The following CREB5 variants were observed in gnomAD, a reference collection of about 807,000 sequenced individuals.
The protein encoded by CREB5 is cAMP responsive element binding protein 5.
Under a neutral mutation model 57.1 loss-of-function variants are expected in CREB5, and 19 were observed. The observed-to-expected ratio is 0.33, with a 90% CI of 0.23 to 0.49. The LOEUF is 0.49. Ranked by LOEUF, CREB5 falls within the 20% of genes least tolerant of loss-of-function variation. The pLI is 0.99. For missense variants in CREB5, 579 were observed against 671.6 expected (o/e 0.86, Z 1.52); for synonymous variants, 238 against 238.3 (o/e 1.00, Z 0.01).
Position 28,675,943 on chromosome 7 carries a change from A to G in CREB5, c.465-42810A>G, listed in dbSNP as rs1238476151. Reference sequence around the variant, plus strand: ...AGCTTATTTATTTCTGAAAGTCTCTAGAATTTTAAAGAGGATTACTGCCCC... The same window carrying G: ...AGCTTATTTATTTCTGAAAGTCTCTGGAATTTTAAAGAGGATTACTGCCCC... On this transcript the variant is annotated intron_variant, in intron 5 of 10. Transcript: ENST00000357727. Among the ~76,000 whole-genome samples, 3 of 152,230 alleles carry G rather than the reference A, an allele frequency of 2.0e-5. No individual in the cohort carries two copies. In the East Asian group the frequency reaches 5.8e-4, roughly 29 times the overall value.
At chr7:28,658,953 GTA>G (rs72106956) in intron 5 of CREB5, among the ~76,000 whole-genome samples, 39,463 of 99,574 alleles carry the variant, frequency 0.4, 9,011 homozygotes, top group Non-Finnish European at 0.46. Flanking sequence ...GTGTGTGTGT[GTA>G]TATATATATA....
At chr7:28,579,886 T>G (rs1177511977) in intron 5 of CREB5, among the ~76,000 whole-genome samples, 1 of 152,104 alleles carries the variant, frequency 6.6e-6, no homozygotes, top group African/African-American at 2.4e-5. Context: ...AGGCTAAGCA[T>G]TTGACCGACT....
intron 7 of CREB5, among the ~76,000 whole-genome samples, chr7:28,735,470 C>T (rs531615263): frequency 7.2e-5 from 11 of 152,224 alleles, no homozygotes; most frequent in African/African-American, 2.2e-4. Context: ...TCACTATGTA[C>T]GTATATAGAT....
chr7:28,574,368 G>A (rs980367027), intron 5 of CREB5, among the ~76,000 whole-genome samples: 12 of 152,330 alleles, frequency 7.9e-5, no homozygotes, highest in South Asian at 2.1e-4. Context: ...CTGGGAAAAT[G>A]GCAGAAGGGT....
chr7:28,326,381 T>C (rs1785607014), intron 1 of CREB5, among the ~76,000 whole-genome samples: 1 of 152,206 alleles, frequency 6.6e-6, no homozygotes, highest in African/African-American at 2.4e-5. Context: ...AGTCCCTCCA[T>C]ATGTAGCCAA....
chr7:28,514,465 G>T lies in CREB5; in HGVS notation c.291+6728G>T, dbSNP rs181585391. Among the ~76,000 whole-genome samples the T allele has an allele frequency of 1.1e-3, 163 of 152,068 alleles. 1 individual carries two copies. The highest frequency in any genetic ancestry group is 3.4e-3 in the Middle Eastern group (1 of 292). On this transcript the variant is annotated intron_variant, in intron 4 of 10. Coordinates refer to ENST00000357727, the MANE Select transcript of CREB5 (RefSeq NM_182898.4). ...GGCTGGAGTGCAGTGGCGCCATCTC[G>T]GCTCACTGCAAGCTCCGCCTCCCGG...
chr7:28,727,385 A>G (rs1048182088), intron 7 of CREB5, among the ~76,000 whole-genome samples: 17 of 152,128 alleles, frequency 1.1e-4, no homozygotes, highest in African/African-American at 4.1e-4. Flanking sequence ...CTTAGATGAA[A>G]GTGGGATCTG....
At chr7:28,319,935 T>TA (rs1408510298) in intron 1 of CREB5, among the ~76,000 whole-genome samples, 3 of 152,150 alleles carry the variant, frequency 2.0e-5, no homozygotes, top group East Asian at 1.9e-4. Context: ...TCTTAATTTT[T>TA]AAAAAAATTT....
chr7:28,452,426 A>C (rs1266836259), intron 1 of CREB5, among the ~76,000 whole-genome samples: 3 of 152,238 alleles, frequency 2.0e-5, no homozygotes, highest in Admixed American at 1.3e-4. Flanking sequence ...GTAATATAAC[A>C]AAGAAATAAA....
intron 5 of CREB5, among the ~76,000 whole-genome samples, chr7:28,610,031 T>G (rs1198829383): frequency 6.6e-6 from 1 of 152,214 alleles, no homozygotes; most frequent in Admixed American, 6.5e-5. Context: ...CAGGGCCTCT[T>G]AAGGCAGACT....
chr7:28,782,538 TC>T (rs1305725742), intron 7 of CREB5, among the ~76,000 whole-genome samples: 3 of 152,180 alleles, frequency 2.0e-5, no homozygotes, highest in African/African-American at 7.2e-5. Context: ...GAAGCTTCCT[TC>T]CCATTTTTGA....
chr7:28,374,398 G>A (rs1487553493), intron 1 of CREB5, among the ~76,000 whole-genome samples: 6 of 152,236 alleles, frequency 3.9e-5, no homozygotes, highest in African/African-American at 7.2e-5. Context: ...AATGTTCACC[G>A]TGGTATAATT....
chr7:28,615,550 A>G (rs1276917544), intron 5 of CREB5: 2 of 152,374 alleles, frequency 1.3e-5, no homozygotes, highest in Non-Finnish European at 2.9e-5. Context: ...TGACATGGCT[A>G]TGCAGTCTCT....
chr7:28,660,026 T>G (rs1440399921), intron 5 of CREB5, among the ~76,000 whole-genome samples: 1 of 152,122 alleles, frequency 6.6e-6, no homozygotes, highest in Non-Finnish European at 1.5e-5. Flanking sequence ...TTCAACAATA[T>G]TGAAGAGCAG....
chr7:28,484,715 T>G (rs1464375843), intron 1 of CREB5, among the ~76,000 whole-genome samples: 1 of 152,188 alleles, frequency 6.6e-6, no homozygotes, highest in Non-Finnish European at 1.5e-5. Context: ...ACATAACAAT[T>G]GTAACCCAGT....
At chr7:28,535,281 G>A (rs1793906287) in intron 4 of CREB5, among the ~76,000 whole-genome samples, 1 of 135,712 alleles carries the variant, frequency 7.4e-6, no homozygotes, top group South Asian at 2.4e-4. Context: ...ATAGTCCTCT[G>A]TGGTTAAACC....
At chr7:28,620,753 T>C (rs541165434) in intron 5 of CREB5, among the ~76,000 whole-genome samples, 76 of 152,264 alleles carry the variant, frequency 5.0e-4, no homozygotes, top group Non-Finnish European at 9.6e-4. Context: ...TAAGCCTATC[T>C]AGTCAACCAC....
intron 1 of CREB5, among the ~76,000 whole-genome samples, chr7:28,450,547 A>G (rs376024421): frequency 7.3e-4 from 111 of 152,356 alleles, no homozygotes; most frequent in African/African-American, 2.6e-3. Flanking sequence ...TCATTGCAAC[A>G]ACTCAAGTGG....
At chr7:28,416,225 A>G (rs1049767118) in intron 1 of CREB5, among the ~76,000 whole-genome samples, 12 of 152,182 alleles carry the variant, frequency 7.9e-5, no homozygotes, top group African/African-American at 2.9e-4. Flanking sequence ...TTATTCTTTT[A>G]TTACACTGAG....
Sources: allele counts gnomAD v4.1 joint callset (sites outside exome capture counted in the v4.1 genomes callset), GRCh38; gene constraint gnomAD v4.1.1; transcripts MANE v1.5; gene names NCBI Gene and HGNC (gene_info 2026-07-23, HGNC 2026-07-21).